RRP1: variants seen among roughly 807,000 people sequenced by gnomAD.
RRP1 encodes the protein ribosomal RNA processing protein 1 homolog A.
A neutral mutation model predicts 54.6 loss-of-function variants in RRP1; 37 were observed. The ratio of observed to expected loss-of-function variants is 0.68; its 90% CI spans 0.52 to 0.89. The LOEUF (loss-of-function observed/expected upper bound fraction) is 0.89, where lower values mean the gene tolerates loss of function less well. Ranked by LOEUF, RRP1 falls within the 40% of genes least tolerant of loss-of-function variation. The probability of loss-of-function intolerance (pLI) is 0.00; values close to 1 mark genes in which losing one functional copy is unlikely to be tolerated. For synonymous variants in RRP1, 262 were observed against 244.3 expected (o/e 1.07, Z -0.67); for missense variants, 639 against 612.5 (o/e 1.04, Z -0.46).
At chr21:43,800,426 C>A in intron 9 of RRP1, 91 bp from the exon 10 acceptor site, 1 of 1,205,518 alleles carries the variant, frequency 8.3e-7, no homozygotes, top group Non-Finnish European at 1.2e-6. Context: ...CAAGTGGGAC[C>A]AAGTGCTATC....
At chr21:43,802,014 A>G (rs1228629850) in intron 11 of RRP1, among the ~76,000 whole-genome samples, 3 of 152,132 alleles carry the variant, frequency 2.0e-5, no homozygotes, top group Admixed American at 2.0e-4. Context: ...GGTCCCAGGC[A>G]TTTGGGGTCG....
At chr21:43,803,491 G>A in intron 12 of RRP1, 21 bp from the exon 13 acceptor site, 1 of 1,531,726 alleles carries the variant, frequency 6.5e-7, no homozygotes, top group Admixed American at 2.0e-5. Flanking sequence ...TCTGGCTCAT[G>A]GGGTCTTGCT....
chr21:43,790,584 A>T (rs9979923), intron 1 of RRP1: 3,140 of 163,714 alleles, frequency 0.019, 110 homozygotes, highest in African/African-American at 0.072. Flanking sequence ...TTAAATTAAA[A>T]TTTTTTGTTA....
rs2085036364 is a variant in RRP1, at chr21:43,797,665, C to T, written c.587C>T (p.Pro196Leu). 2 of 1,614,110 alleles carry T rather than the reference C, an allele frequency of 1.2e-6. No homozygotes were observed. The highest frequency in any genetic ancestry group is 8.5e-7 in the Non-Finnish European group (1 of 1,180,034). The change falls in exon 7 of 13, where the codon CCC (proline) becomes CTC (leucine). Residue 196 changes from proline to leucine, a missense_variant. Pro to Leu is a moderately conservative substitution (Grantham distance 98, BLOSUM62 -3). Transcript: ENST00000497547. ...TADQNLKFIDPFCRIAARTKD... is the reference protein window; with the variant it reads ...TADQNLKFIDLFCRIAARTKD... Reference sequence around the variant, plus strand: ...GACCAGAACCTGAAGTTCATCGACCCCTTCTGCAGAATTGCTGCCCGGACC... The same window carrying T: ...GACCAGAACCTGAAGTTCATCGACCTCTTCTGCAGAATTGCTGCCCGGACC...
chr21:43,797,736 G>C (rs2085037348), intron 7 of RRP1, 41 bp downstream of exon 7: 1 of 1,607,520 alleles, frequency 6.2e-7, no homozygotes, highest in South Asian at 1.1e-5. Context: ...CTCCTTCACT[G>C]AGTTCTTCCA....
At position 43,803,971 on chromosome 21, in the gene RRP1, C is replaced by T. The variant is rs2085119393; in HGVS notation, c.*197C>T. On this transcript the variant is annotated 3_prime_UTR_variant, in exon 13 of 13. Transcript: ENST00000497547. ...CAGGAACTGGACCTTTCCCCAGAGC[C>T]TCCGCCTGTGGCTGTGATGACCTTG... is the stretch of plus-strand genomic sequence containing the variant. The T allele has an allele frequency of 1.6e-6, 1 of 640,370 alleles. No individual in the cohort carries two copies. Among genetic ancestry groups the T allele is most frequent in the East Asian group, 3.1e-5 (1 of 32,386 alleles). 39.7% of individuals were successfully genotyped at this position (640,370 alleles called of 1,614,324 possible). A position where few individuals can be genotyped will look rare whatever the true frequency, so the allele number is the denominator to read the frequency against.
At position 43,792,716 on chromosome 21, in the gene RRP1, G is replaced by C; in HGVS notation, c.261G>C (p.Gln87His). 9 of 1,614,130 alleles carry C rather than the reference G, an allele frequency of 5.6e-6. No individual in the cohort carries two copies. The highest frequency in any genetic ancestry group is 6.8e-6 in the Non-Finnish European group (8 of 1,180,008). Residue 87 changes from glutamine to histidine, a missense_variant, in exon 3 of 13, where the codon CAG (glutamine) becomes CAC (histidine). Transcript: ENST00000497547. ...TTTCCCAGCTCGTTCATGCTTTTCA[G>C]ACCACGGAGGCGCGTGAGTATGCTC... ...RTISQLVHAF[Q>H]TTEAQHLFLQ... is the part of the protein sequence containing the mutation.
Position 43,797,916 on chromosome 21 carries a change from T to G in RRP1, c.627T>G (p.Val209=). 6.2e-7 allele frequency: 1 copy of G among 1,613,942 alleles called. No individual in the cohort carries two copies. Among genetic ancestry groups the G allele is most frequent in the Admixed American group, 1.7e-5 (1 of 60,004 alleles). ...RIAARTKDSL[V]LNNITRGIFE... ...CTGCTCTGCCCCTCAGTTCCTTGGT[T>G]TTGAACAACATCACTCGAGGCATCT... The change falls in exon 8 of 13, where the codon GTT becomes GTG. Residue 209 remains valine, a synonymous_variant. Coordinates refer to ENST00000497547, the MANE Select transcript of RRP1 (RefSeq NM_003683.6).
intron 4 of RRP1, 35 bp from the exon 5 acceptor site, chr21:43,795,154 G>A: frequency 6.2e-7 from 1 of 1,601,740 alleles, no homozygotes; most frequent in Non-Finnish European, 8.6e-7. Flanking sequence ...GTAGGGCTGG[G>A]CTTCTGCTAA....
intron 11 of RRP1, among the ~76,000 whole-genome samples, chr21:43,801,157 G>A (rs922946822): frequency 3.3e-5 from 5 of 152,170 alleles, no homozygotes; most frequent in Non-Finnish European, 7.3e-5. Context: ...CACTGACCGC[G>A]GTGCTGCTGC....
intron 4 of RRP1, among the ~76,000 whole-genome samples, chr21:43,793,974 C>T (rs1377545479): frequency 6.6e-6 from 1 of 152,162 alleles, no homozygotes; most frequent in Non-Finnish European, 1.5e-5. Flanking sequence ...ACCATGAGGT[C>T]TCGTTACTAA....
chr21:43,793,386 C>T lies in RRP1; in HGVS notation c.342C>T (p.Arg114=). The part of the protein sequence containing the change: ...NREWTGIDRL[R]LDKFYMLMRM... Reference sequence around the variant, plus strand: ...AGTGGACGGGCATTGACAGGCTGCGCCTGGATAAATTCTACATGGTGAGGC... The same window carrying T: ...AGTGGACGGGCATTGACAGGCTGCGTCTGGATAAATTCTACATGGTGAGGC... The change falls in exon 4 of 13, where the codon CGC becomes CGT. Residue 114 remains arginine (R), a synonymous_variant. Transcript: ENST00000497547. 5.0e-6 allele frequency: 8 copies of T among 1,613,700 alleles called. No homozygotes were observed. The highest frequency in any genetic ancestry group is 6.8e-6 in the Non-Finnish European group (8 of 1,179,982).
chr21:43,794,591 C>G (rs1392807113), intron 4 of RRP1, among the ~76,000 whole-genome samples: 1 of 152,196 alleles, frequency 6.6e-6, no homozygotes, highest in Non-Finnish European at 1.5e-5. Context: ...AGACCCCACT[C>G]TGGGCGTGTG....
intron 1 of RRP1, 30 bp downstream of exon 1, chr21:43,789,792 C>T: frequency 2.0e-6 from 3 of 1,485,338 alleles, no homozygotes; most frequent in Non-Finnish European, 2.7e-6. Context: ...GCTGGCGTCT[C>T]GGGGGCCGGC....
chr21:43,793,471 C>A, intron 4 of RRP1, 67 bp downstream of exon 4: 1 of 1,391,818 alleles, frequency 7.2e-7, no homozygotes. Flanking sequence ...CCAAGCGAGA[C>A]AGGCGGCACC....
chr21:43,803,438 CAGCCTGAGTTGGAGTAAGTGGAAAG>C lies in RRP1; in HGVS notation c.1124-69_1124-45del, dbSNP rs527255265. The C allele has an allele frequency of 1.0e-3, 1,516 of 1,470,588 alleles. 5 individuals are homozygous for C. In the African/African-American group the frequency reaches 0.016, roughly 16 times the overall value. 91.1% of individuals were successfully genotyped at this position (1,470,588 alleles called of 1,614,324 possible). A position where few individuals can be genotyped will look rare whatever the true frequency, so the allele number is the denominator to read the frequency against. The stretch of plus-strand genomic sequence containing the variant: ...CCCAGGTCTGTGGTGCTGGCATCCT[CAGCCTGAGTTGGAGTAAGTGGAAAG>C]AGCCCGTGTTGGCATTCTCTGGCTC... On this transcript the variant is annotated intron_variant, in intron 12 of 12. Transcript: ENST00000497547.
At chr21:43,795,349 A>C (rs2085008320) in intron 5 of RRP1, 99 bp downstream of exon 5, 1 of 1,064,954 alleles carries the variant, frequency 9.4e-7, no homozygotes, top group East Asian at 2.4e-5. Flanking sequence ...GTCAGCCTTT[A>C]TATTAACGCA....
chr21:43,803,725 A>C lies in RRP1; in HGVS notation c.1337A>C (p.Lys446Thr). Residue 446 changes from lysine to threonine, a missense_variant, in exon 13 of 13, where the codon AAG becomes ACG. Coordinates refer to ENST00000497547, the MANE Select transcript of RRP1 (RefSeq NM_003683.6). ...TPRPLTSARA[K>T]AANVQEPEKK... ...CGGCCCCTGACCAGTGCCCGAGCAA[A>C]GGCGGCCAATGTCCAGGAGCCGGAG... is the stretch of plus-strand genomic sequence containing the variant. The C allele has an allele frequency of 6.4e-7, 1 of 1,568,670 alleles. No individual in the cohort carries two copies. Among genetic ancestry groups the C allele is most frequent in the African/African-American group, 1.3e-5 (1 of 74,368 alleles).
In RRP1 at chr21:43,789,762, G is replaced by A. The variant is rs1235002051; in HGVS notation, c.133G>A (p.Gly45Ser). The change falls in exon 1 of 13, where the codon GGT (glycine) becomes AGT (serine). Residue 45 changes from glycine to serine, a missense_variant and splice_region_variant. Coordinates refer to ENST00000497547, the MANE Select transcript of RRP1 (RefSeq NM_003683.6). ...CGTCGCCAGGACTCAGCGGGCCGCA[G>A]GTTGGCGGGGGTGTGGGCGGCTGGC... is the stretch of plus-strand genomic sequence containing the variant. ...YIVARTQRAA[G>S]GFTHDELLKV... The A allele has an allele frequency of 6.6e-7, 1 of 1,516,334 alleles. No individual in the cohort carries two copies. Among genetic ancestry groups the A allele is most frequent in the Admixed American group, 2.1e-5 (1 of 48,054 alleles). 93.9% of individuals were successfully genotyped at this position (1,516,334 alleles called of 1,614,324 possible). A position where few individuals can be genotyped will look rare whatever the true frequency, so the allele number is the denominator to read the frequency against.
Sources: allele counts gnomAD v4.1 joint callset (sites outside exome capture counted in the v4.1 genomes callset), GRCh38; gene constraint gnomAD v4.1.1; transcripts MANE v1.5; gene names NCBI Gene and HGNC (gene_info 2026-07-23, HGNC 2026-07-21).